The following NGRN variants were observed in gnomAD, a reference collection of about 807,000 sequenced individuals.
NGRN encodes neugrin.
NGRN carries 12 observed loss-of-function variants against 13.1 expected under a neutral mutation model. That is an observed-to-expected ratio of 0.92 (90% CI 0.59 to 1.49). The LOEUF (loss-of-function observed/expected upper bound fraction) is 1.49, where lower values mean the gene tolerates loss of function less well. Ranked by LOEUF, NGRN falls within the 40% of genes most tolerant of loss-of-function variation. The pLI is 0.00. For missense variants in NGRN, 397 were observed against 357.0 expected (o/e 1.11, Z -0.90); for synonymous variants, 149 against 145.8 (o/e 1.02, Z -0.16).
Position 90,265,743 on chromosome 15 carries a change from G to C in NGRN, c.31G>C (p.Gly11Arg), listed in dbSNP as rs1963402788. MAVTLSLLLG[G>R]RVCAAVTRCG... ...GGTTACCCTGAGTCTCTTGCTGGGC[G>C]GGCGCGTTTGCGCCGCCGTCACTCG... Residue 11 changes from glycine (G) to arginine (R), a missense_variant, in exon 1 of 3, where the codon GGG (glycine) becomes CGG (arginine). Gly to Arg is a moderately radical substitution (Grantham distance 125). Transcript: ENST00000379095. The C allele has an allele frequency of 1.2e-6, 2 of 1,613,150 alleles. No individual in the cohort carries two copies. Among genetic ancestry groups the C allele is most frequent in the African/African-American group, 2.7e-5 (2 of 74,910 alleles).
chr15:90,269,509 TC>T (rs1446434972), intron 2 of NGRN, among the ~76,000 whole-genome samples: 4 of 152,052 alleles, frequency 2.6e-5, no homozygotes, highest in African/African-American at 4.8e-5. Context: ...TTTCTCAGTT[TC>T]CTTCCTGGGC....
chr15:90,266,133 C>G (rs775413682), intron 1 of NGRN, 155 bp from the exon 2 acceptor site: 40 of 1,450,110 alleles, frequency 2.8e-5, no homozygotes, highest in Non-Finnish European at 3.6e-5. Flanking sequence ...TGTTAGCTTT[C>G]TGGGTGTACG....
At position 90,272,083 on chromosome 15, in the gene NGRN, A is replaced by G. The variant is rs1596203054; in HGVS notation, c.*295A>G. The G allele has an allele frequency of 2.8e-6, 1 of 355,946 alleles. No individual in the cohort carries two copies. Among genetic ancestry groups the G allele is most frequent in the Non-Finnish European group, 5.1e-6 (1 of 195,028 alleles). The allele number at this position is 355,946 out of a possible 1,614,324, so 22.0% of individuals were successfully genotyped here. A position where few individuals can be genotyped will look rare whatever the true frequency, so the allele number is the denominator to read the frequency against. On this transcript the variant is annotated 3_prime_UTR_variant, in exon 3 of 3. Coordinates refer to ENST00000379095, the MANE Select transcript of NGRN (RefSeq NM_001033088.3). The stretch of plus-strand genomic sequence containing the variant: ...CAATTTTCTGTGATACTTGCAATTT[A>G]TGTTTGAGAAGAAGTGAAAAGTTTG...
Position 90,271,315 on chromosome 15 carries a change from AAGC to A in NGRN, c.406_408del (p.Gln136del). 6.2e-7 allele frequency: 1 copy of A among 1,614,114 alleles called. No homozygotes were observed. ...TTTACCCACATTGGAGCAGAAGCTG[AAGC>A]AGGATCAAAAAGTCCTTAAGAAAGC... On this transcript the variant is annotated inframe_deletion, in exon 3 of 3. Transcript: ENST00000379095.
chr15:90,272,048 T>A lies in NGRN; in HGVS notation c.*260T>A, dbSNP rs977845869. 3 of 446,634 alleles carry A rather than the reference T, an allele frequency of 6.7e-6. No homozygotes were observed. Among genetic ancestry groups the A allele is most frequent in the African/African-American group, 1.9e-5 (1 of 52,014 alleles). 27.7% of individuals were successfully genotyped at this position (446,634 alleles called of 1,614,324 possible). The stretch of plus-strand genomic sequence containing the variant: ...GTGTTGAAAGCCATCCCGTGTTGCA[T>A]GTGTTGTTACAATTTTCTGTGATAC... On this transcript the variant is annotated 3_prime_UTR_variant, in exon 3 of 3. Transcript: ENST00000379095.
Position 90,267,220 on chromosome 15 carries a change from A to T in NGRN, c.275+822A>T, listed in dbSNP as rs1477497640. Among the ~76,000 whole-genome samples the T allele has an allele frequency of 2.0e-5, 3 of 151,094 alleles. No individual in the cohort carries two copies. In the South Asian group the frequency reaches 6.2e-4, roughly 31 times the overall value. On this transcript the variant is annotated intron_variant, in intron 2 of 2. Coordinates refer to ENST00000379095, the MANE Select transcript of NGRN (RefSeq NM_001033088.3). ...TTAATTTTGTTTATTTTTTGTAGAGATAGCCTCATCATGTTGCCCATGCTA... is the reference window on the plus strand; with the variant it reads ...TTAATTTTGTTTATTTTTTGTAGAGTTAGCCTCATCATGTTGCCCATGCTA...
chr15:90,266,191 G>C, intron 1 of NGRN, 97 bp from the exon 2 acceptor site: 1 of 1,493,398 alleles, frequency 6.7e-7, no homozygotes, highest in Non-Finnish European at 8.9e-7. Context: ...TGCGATCAAA[G>C]AGAAGAGGGC....
intron 1 of NGRN, 75 bp from the exon 2 acceptor site, chr15:90,266,213 T>C: frequency 4.6e-6 from 7 of 1,533,520 alleles, no homozygotes; most frequent in Non-Finnish European, 6.1e-6. Context: ...GGGCGCTCCA[T>C]GATTTAGCCT....
chr15:90,271,393 A>C lies in NGRN; in HGVS notation c.481A>C (p.Lys161Gln). The stretch of plus-strand genomic sequence containing the variant: ...CCTCCGGGGCTCTGGAAATACCTCA[A>C]AGCTGCTCCCTGCAGGCCACTCTGT... ...QHLRGSGNTS[K>Q]LLPAGHSVSG... Residue 161 changes from lysine (K) to glutamine (Q), a missense_variant, in exon 3 of 3, where the codon AAG (lysine) becomes CAG (glutamine). Lys to Gln is a moderately conservative substitution (Grantham distance 53, BLOSUM62 1). Coordinates refer to ENST00000379095, the MANE Select transcript of NGRN (RefSeq NM_001033088.3). The C allele has an allele frequency of 1.9e-6, 3 of 1,614,010 alleles. No homozygotes were observed. The South Asian group carries it at 3.3e-5, about 18-fold the overall frequency.
intron 2 of NGRN, among the ~76,000 whole-genome samples, chr15:90,269,488 C>G (rs1171409706): frequency 2.0e-5 from 3 of 151,802 alleles, no homozygotes; most frequent in Non-Finnish European, 4.4e-5. Context: ...TTCTTTGTTT[C>G]TAGGGCTGCT....
In NGRN at chr15:90,265,882, G is replaced by C; in HGVS notation, c.164+6G>C. On this transcript the variant is annotated splice_donor_region_variant and intron_variant, in intron 1 of 2. Coordinates refer to ENST00000379095, the MANE Select transcript of NGRN (RefSeq NM_001033088.3). ...GAGCTGCAGGAGGTGGAGAGGTACCGGCTTCTCCCCGGGCCCTCAGCTTGA... is the reference window on the plus strand; with the variant it reads ...GAGCTGCAGGAGGTGGAGAGGTACCCGCTTCTCCCCGGGCCCTCAGCTTGA... 6.4e-7 allele frequency: 1 copy of C among 1,562,178 alleles called. No homozygotes were observed. The highest frequency in any genetic ancestry group is 8.7e-7 in the Non-Finnish European group (1 of 1,155,740).
chr15:90,271,836 G>A lies in NGRN; in HGVS notation c.*48G>A, dbSNP rs374165169. On this transcript the variant is annotated 3_prime_UTR_variant, in exon 3 of 3. Transcript: ENST00000379095. Reference sequence around the variant, plus strand: ...TGCCTCGTGAAACACAGCTGGGCAAGTATTAATGTATATGGAACAGCCTGG... The same window carrying A: ...TGCCTCGTGAAACACAGCTGGGCAAATATTAATGTATATGGAACAGCCTGG... The A allele has an allele frequency of 3.1e-6, 5 of 1,594,880 alleles. No homozygotes were observed. The highest frequency in any genetic ancestry group is 4.3e-6 in the Non-Finnish European group (5 of 1,169,642).
rs756415542 is a variant in NGRN, at chr15:90,265,735, T to G, written c.23T>G (p.Leu8Trp). The change falls in exon 1 of 3, where the codon TTG becomes TGG. Residue 8 changes from leucine to tryptophan, a missense_variant. Transcript: ENST00000379095. ...GACATGGCGGTTACCCTGAGTCTCT[T>G]GCTGGGCGGGCGCGTTTGCGCCGCC... MAVTLSL[L>W]LGGRVCAAVT... 3.0e-5 allele frequency: 49 copies of G among 1,613,356 alleles called. No homozygotes were observed. The highest frequency in any genetic ancestry group is 3.9e-5 in the Non-Finnish European group (46 of 1,179,844).
chr15:90,265,692 T>G lies in NGRN; in HGVS notation c.-21T>G. On this transcript the variant is annotated 5_prime_UTR_variant, in exon 1 of 3. Coordinates refer to ENST00000379095, the MANE Select transcript of NGRN (RefSeq NM_001033088.3). ...CCGCTGCTGTTTCGTAGCCGACTGC[T>G]GAAGGCTGGTTTGCGTCGACATGGC... 6.2e-7 allele frequency: 1 copy of G among 1,612,982 alleles called. No homozygotes were observed.
chr15:90,271,499 C>T lies in NGRN; in HGVS notation c.587C>T (p.Ser196Leu). 1 of 1,614,008 alleles carries T rather than the reference C, an allele frequency of 6.2e-7. No homozygotes were observed. Reference sequence around the variant, plus strand: ...AGCACAGCTTTGAAAGTGATAGAGTCAGACACTCACAGGACAAATACACCA... The same window carrying T: ...AGCACAGCTTTGAAAGTGATAGAGTTAGACACTCACAGGACAAATACACCA... ...NHSTALKVIESDTHRTNTPRR... is the reference protein window; with the variant it reads ...NHSTALKVIELDTHRTNTPRR... Residue 196 changes from serine to leucine, a missense_variant, in exon 3 of 3, where the codon TCA becomes TTA. By Grantham distance (145) the Ser-to-Leu change is moderately radical. Coordinates refer to ENST00000379095, the MANE Select transcript of NGRN (RefSeq NM_001033088.3).
intron 2 of NGRN, among the ~76,000 whole-genome samples, chr15:90,267,779 A>G (rs1007260590): frequency 6.6e-6 from 1 of 152,370 alleles, no homozygotes; most frequent in African/African-American, 2.4e-5. Context: ...TTTGTTATAT[A>G]CATTCCCAGA....
At chr15:90,268,609 T>C (rs1797340751) in intron 2 of NGRN, among the ~76,000 whole-genome samples, 1 of 152,104 alleles carries the variant, frequency 6.6e-6, no homozygotes, top group Non-Finnish European at 1.5e-5. Context: ...TCTCATTCTT[T>C]TGTTCCCAGC....
Position 90,271,769 on chromosome 15 carries a change from AC to A in NGRN, c.858del (p.Phe287SerfsTer36), listed in dbSNP as rs1264521768. 5.0e-6 allele frequency: 8 copies of A among 1,613,876 alleles called. No individual in the cohort carries two copies. The highest frequency in any genetic ancestry group is 6.8e-6 in the Non-Finnish European group (8 of 1,179,910). On this transcript the variant is annotated frameshift_variant, in exon 3 of 3. Transcript: ENST00000379095. LOFTEE classifies it high-confidence loss of function. ...CGAGAGTTCTTTGACAGCAACGGGAACTTCCTGTACAGAATTTGAGTCGGGG... is the reference window on the plus strand; with the variant it reads ...CGAGAGTTCTTTGACAGCAACGGGAATTCCTGTACAGAATTTGAGTCGGGG... Reference protein sequence around the residue: ...RGREFFDSNGNFLYRI With the variant: ...RGREFFDSNGXFLYRI
intron 1 of NGRN, 145 bp downstream of exon 1, chr15:90,266,021 C>T (rs1963412055): frequency 1.4e-5 from 20 of 1,403,052 alleles, no homozygotes; most frequent in Non-Finnish European, 1.8e-5. Context: ...GGCGCAGCGT[C>T]AGGTGTTCAG....
Sources: allele counts gnomAD v4.1 joint callset (sites outside exome capture counted in the v4.1 genomes callset), GRCh38; gene constraint gnomAD v4.1.1; transcripts MANE v1.5; gene names NCBI Gene and HGNC (gene_info 2026-07-23, HGNC 2026-07-21).